KAZN: variants seen among roughly 807,000 people sequenced by gnomAD.
KAZN encodes the protein kazrin, periplakin interacting protein, also known as kazrin.
Under a neutral mutation model 87.4 loss-of-function variants are expected in KAZN, and 40 were observed. The ratio of observed to expected loss-of-function variants is 0.46; its 90% CI spans 0.36 to 0.60. The LOEUF is 0.60. Ranked by LOEUF, KAZN falls within the 20% of genes least tolerant of loss-of-function variation. KAZN has a pLI of 0.00. For missense variants in KAZN, 898 were observed against 1,073.9 expected (o/e 0.84, Z 2.29); for synonymous variants, 466 against 458.3 (o/e 1.02, Z -0.22).
chr1:14,105,185 T>A (rs1644341221), intron 1 of KAZN, among the ~76,000 whole-genome samples: 1 of 152,178 alleles, frequency 6.6e-6, no homozygotes, highest in South Asian at 2.1e-4. Context: ...ATAATTCAAA[T>A]AGTCGCATGA....
intron 1 of KAZN, among the ~76,000 whole-genome samples, chr1:14,648,926 A>T (rs966402830): frequency 6.6e-6 from 1 of 152,224 alleles, no homozygotes; most frequent in Non-Finnish European, 1.5e-5. Context: ...CACATTAAAT[A>T]TAGGCAGTTT....
At chr1:14,441,673 A>G (rs1193967160) in intron 2 of KAZN, among the ~76,000 whole-genome samples, 1 of 152,246 alleles carries the variant, frequency 6.6e-6, no homozygotes, top group Non-Finnish European at 1.5e-5. Context: ...GCAATTTTAC[A>G]TAGTGAGTCA....
Position 15,081,561 on chromosome 1 carries a change from C to CGTGTGT in KAZN, c.1223-12605_1223-12600dup, listed in dbSNP as rs139092577. ...GAAAGGTTCCAGGAATTAATGACAG[C>CGTGTGT]GTGTGTGTGTGTGTGTGTGAGTGTG... On this transcript the variant is annotated intron_variant, in intron 8 of 14. Transcript: ENST00000376030. The surrounding 1 kb of genome is among the most constrained non-coding windows in gnomAD (Gnocchi z 4.1). Among the ~76,000 whole-genome samples the CGTGTGT allele has an allele frequency of 3.3e-5, 5 of 149,676 alleles. No homozygotes were observed. The highest frequency in any genetic ancestry group is 6.6e-5 in the Admixed American group (1 of 15,040).
intron 1 of KAZN, among the ~76,000 whole-genome samples, chr1:14,050,079 T>C (rs535169999): frequency 6.6e-6 from 1 of 150,790 alleles, no homozygotes; most frequent in South Asian, 2.1e-4. Context: ...GCATTGCACA[T>C]GCCTGTGTAC....
At chr1:14,790,564 A>G (rs1721829) in intron 1 of KAZN, among the ~76,000 whole-genome samples, 117,540 of 152,072 alleles carry the variant, frequency 0.77, 45,495 homozygotes, top group South Asian at 0.83. Flanking sequence ...CCTAAAAAGC[A>G]AAGGGGCTTT....
chr1:14,724,519 A>G (rs1643287178), intron 1 of KAZN, among the ~76,000 whole-genome samples: 1 of 152,234 alleles, frequency 6.6e-6, no homozygotes, highest in African/African-American at 2.4e-5. Context: ...GGGTCCTCGA[A>G]TGAGTCACAT....
chr1:14,561,485 C>G (rs562404955), intron 2 of KAZN, among the ~76,000 whole-genome samples: 1 of 152,158 alleles, frequency 6.6e-6, no homozygotes, highest in African/African-American at 2.4e-5. Flanking sequence ...GGCCAATCAG[C>G]TTTTGGGGAG....
At chr1:14,445,676 TA>T (rs1666945132) in intron 2 of KAZN, among the ~76,000 whole-genome samples, 2 of 152,086 alleles carry the variant, frequency 1.3e-5, no homozygotes, top group Admixed American at 1.3e-4. Context: ...AGGCAGTCAG[TA>T]AAGGTGCTGT....
chr1:14,200,837 G>A lies in KAZN; in HGVS notation c.249+20245G>A, dbSNP rs532503802. On this transcript the variant is annotated intron_variant, in intron 2 of 16. Transcript: ENST00000636203. ...TGCTGGAAGTGAACACCCACCAAGA[G>A]TCTTGGTTACTTTTTTTTTTTTAAT... Among the ~76,000 whole-genome samples the A allele has an allele frequency of 3.0e-4, 46 of 151,918 alleles. 1 individual carries two copies. The South Asian group carries it at 8.3e-3, about 28-fold the overall frequency.
At chr1:15,014,571 C>T (rs185012686) in intron 2 of KAZN, among the ~76,000 whole-genome samples, 2 of 152,144 alleles carry the variant, frequency 1.3e-5, no homozygotes, top group East Asian at 1.9e-4. Flanking sequence ...GTTGGAAAAG[C>T]GCCCTAAAAC....
chr1:13,987,134 C>CT (rs1270357248), intron 1 of KAZN, among the ~76,000 whole-genome samples: 1 of 151,956 alleles, frequency 6.6e-6, no homozygotes, highest in Non-Finnish European at 1.5e-5. Context: ...ACAGGAGAGA[C>CT]TTTTTTGTTG....
chr1:14,405,606 ATGTGTG>A lies in KAZN; in HGVS notation c.250-193341_250-193336del, dbSNP rs111850452. 3.3e-3 allele frequency among the ~76,000 whole-genome samples: 455 copies of A among 136,324 alleles called. 1 individual carries two copies. The highest frequency in any genetic ancestry group is 7.8e-3 in the African/African-American group (292 of 37,628). The allele number at this position is 136,324 out of a possible 152,430, so 89.4% of individuals were successfully genotyped here. ...CCTCCAGAAAAACAGACCCAATAAA[ATGTGTG>A]TGTGTGTGTGTGTGTGTGTGTGTGT... On this transcript the variant is annotated intron_variant, in intron 2 of 16. Transcript: ENST00000636203.
intron 2 of KAZN, among the ~76,000 whole-genome samples, chr1:14,185,837 T>C (rs1646293063): frequency 6.6e-6 from 1 of 152,126 alleles, no homozygotes; most frequent in African/African-American, 2.4e-5. Context: ...TTTAAATTGA[T>C]AGAGAAAGTT....
At chr1:14,261,423 G>T (rs556141475) in intron 2 of KAZN, among the ~76,000 whole-genome samples, 1 of 152,252 alleles carries the variant, frequency 6.6e-6, no homozygotes, top group South Asian at 2.1e-4. Flanking sequence ...GTTAAGATAC[G>T]CTGGGTCCTC....
chr1:14,579,737 G>A (rs1444638413), intron 2 of KAZN, among the ~76,000 whole-genome samples: 1 of 152,128 alleles, frequency 6.6e-6, no homozygotes, highest in Non-Finnish European at 1.5e-5. Flanking sequence ...AGAACGAACG[G>A]GAACACACTG....
intron 2 of KAZN, among the ~76,000 whole-genome samples, chr1:14,961,098 T>C (rs764602279): frequency 1.3e-5 from 2 of 152,222 alleles, no homozygotes; most frequent in African/African-American, 4.8e-5. Flanking sequence ...ATTGTCCATA[T>C]GGCTGGATGT....
intron 1 of KAZN, among the ~76,000 whole-genome samples, chr1:14,666,496 G>A (rs538693828): frequency 6.6e-6 from 1 of 152,292 alleles, no homozygotes; most frequent in East Asian, 1.9e-4. Flanking sequence ...GTGGCTGCCA[G>A]AACAAATTCC....
intron 1 of KAZN, among the ~76,000 whole-genome samples, chr1:13,919,577 T>C (rs1639987494): frequency 6.6e-6 from 1 of 152,258 alleles, no homozygotes; most frequent in Non-Finnish European, 1.5e-5. Flanking sequence ...ATCATGGATG[T>C]GCCTGTGTTC....
intron 2 of KAZN, among the ~76,000 whole-genome samples, chr1:14,393,350 T>C (rs1362326823): frequency 6.6e-6 from 1 of 152,238 alleles, no homozygotes; most frequent in Non-Finnish European, 1.5e-5. Context: ...ATATTGCTAT[T>C]ATCATCATGA....
Sources: allele counts gnomAD v4.1 joint callset (sites outside exome capture counted in the v4.1 genomes callset), GRCh38; gene constraint gnomAD v4.1.1; non-coding constraint Gnocchi (gnomAD v3.1); transcripts MANE v1.5; gene names NCBI Gene and HGNC (gene_info 2026-07-23, HGNC 2026-07-21).